Variants in PSMD14 observed in about 807,000 individuals in gnomAD.
PSMD14 encodes proteasome 26S subunit, non-ATPase 14, also known as ubiquitin C-terminal hydrolase PSMD14.
PSMD14 carries 7 observed loss-of-function variants against 41.2 expected under a neutral mutation model. The observed-to-expected ratio is 0.17, with a 90% CI of 0.10 to 0.32. The LOEUF is 0.32. Among genes scored for constraint, PSMD14 ranks in the 10% least tolerant of loss-of-function variants. The pLI, the probability that PSMD14 is intolerant of heterozygous loss-of-function variation, is 1.00. For missense variants in PSMD14, 139 were observed against 375.6 expected (o/e 0.37, Z 5.21); for synonymous variants, 114 against 122.3 (o/e 0.93, Z 0.45).
Position 161,405,570 on chromosome 2 carries a change from A to G in PSMD14, c.772-3267A>G, listed in dbSNP as rs184275266. 8.5e-4 allele frequency among the ~76,000 whole-genome samples: 129 copies of G among 152,302 alleles called. 1 individual carries two copies. The highest frequency in any genetic ancestry group is 3.0e-3 in the African/African-American group (124 of 41,566). The stretch of plus-strand genomic sequence containing the variant: ...TATTTGTAAAATCATGCCTATATTG[A>G]TGTTTAATTAGTGATGGTAGTAGAA... On this transcript the variant is annotated intron_variant, in intron 10 of 11. Transcript: ENST00000409682.
chr2:161,310,906 ATAAATTCTCT>A (rs1216325822), intron 1 of PSMD14, among the ~76,000 whole-genome samples: 1 of 152,206 alleles, frequency 6.6e-6, no homozygotes, highest in Non-Finnish European at 1.5e-5. Flanking sequence ...CCGATAGATT[ATAAATTCTCT>A]CAGTGCATGC....
At chr2:161,326,762 C>T (rs114528650) in intron 3 of PSMD14, among the ~76,000 whole-genome samples, 87 of 152,318 alleles carry the variant, frequency 5.7e-4, no homozygotes, top group African/African-American at 2.1e-3. Context: ...TCTATGGCTG[C>T]TCAAGTCCCT....
chr2:161,341,949 C>G (rs1367048807), intron 3 of PSMD14, among the ~76,000 whole-genome samples: 2 of 151,438 alleles, frequency 1.3e-5, no homozygotes, highest in African/African-American at 4.8e-5. Context: ...CCCAATGTCA[C>G]AAACATATTC....
chr2:161,382,100 CAGAA>C (rs1683577496), intron 7 of PSMD14: 1 of 151,798 alleles, frequency 6.6e-6, no homozygotes, highest in African/African-American at 2.4e-5. Flanking sequence ...TGTCTGATAA[CAGAA>C]AGTGGTGTGT....
At chr2:161,395,002 G>C in intron 9 of PSMD14, 76 bp from the exon 10 acceptor site, 2 of 977,834 alleles carry the variant, frequency 2.0e-6, no homozygotes, top group East Asian at 6.9e-5. Flanking sequence ...TTTTTTTTTT[G>C]AAGTTTTTTT....
chr2:161,371,341 T>G lies in PSMD14; in HGVS notation c.462+19T>G, dbSNP rs148797709. On this transcript the variant is annotated intron_variant, in intron 7 of 11. Coordinates refer to ENST00000409682, the MANE Select transcript of PSMD14 (RefSeq NM_005805.6). ...AGGAAAGGTAGAGTAGATTCTATCT[T>G]TATTGCCATCTACTGCCACATTCTG... The G allele has an allele frequency of 1.3e-6, 2 of 1,595,724 alleles. No individual in the cohort carries two copies. The highest frequency in any genetic ancestry group is 4.5e-5 in the East Asian group (2 of 44,378).
intron 3 of PSMD14, among the ~76,000 whole-genome samples, chr2:161,363,300 G>T (rs1683316138): frequency 6.6e-6 from 1 of 152,088 alleles, no homozygotes; most frequent in Non-Finnish European, 1.5e-5. Context: ...GGGGACTGCT[G>T]CTCTAATTTT....
intron 10 of PSMD14, among the ~76,000 whole-genome samples, chr2:161,406,777 A>G (rs1056497384): frequency 5.3e-5 from 8 of 152,128 alleles, no homozygotes; most frequent in African/African-American, 1.9e-4. Context: ...GTACTTCTCA[A>G]AGAGTTTGTG....
At chr2:161,341,930 C>G (rs1362030119) in intron 3 of PSMD14, among the ~76,000 whole-genome samples, 1 of 150,548 alleles carries the variant, frequency 6.6e-6, no homozygotes, top group Non-Finnish European at 1.5e-5. Context: ...ATTAAGAAAT[C>G]TCTCCTAACC....
At chr2:161,378,119 T>C (rs539860971) in intron 7 of PSMD14, among the ~76,000 whole-genome samples, 15 of 152,106 alleles carry the variant, frequency 9.9e-5, no homozygotes, top group East Asian at 3.9e-4. Context: ...TTCTTGTCAT[T>C]GTAATTTTCT....
chr2:161,328,332 A>G (rs938296416), intron 3 of PSMD14, among the ~76,000 whole-genome samples: 8 of 152,200 alleles, frequency 5.3e-5, no homozygotes, highest in African/African-American at 1.2e-4. Flanking sequence ...CTATATACCA[A>G]TATGCATAAT....
intron 3 of PSMD14, among the ~76,000 whole-genome samples, chr2:161,357,076 C>CTTTT (rs71281822): frequency 0.75 from 93,864 of 124,574 alleles, 36,223 homozygotes; most frequent in Middle Eastern, 0.83. Context: ...TGGCAAATGC[C>CTTTT]TTTTTTTTTT....
At chr2:161,337,762 GC>G (rs1359962101) in intron 3 of PSMD14, among the ~76,000 whole-genome samples, 1 of 152,210 alleles carries the variant, frequency 6.6e-6, no homozygotes, top group Non-Finnish European at 1.5e-5. Context: ...GAGATGATGT[GC>G]TGTAGCAGGA....
intron 10 of PSMD14, 116 bp from the exon 11 acceptor site, chr2:161,408,720 AT>A: frequency 1.4e-6 from 1 of 701,734 alleles, no homozygotes; most frequent in Non-Finnish European, 2.4e-6. Flanking sequence ...TCAGTAAATT[AT>A]TTGAATAAAA....
At chr2:161,373,252 A>G (rs1041466203) in intron 7 of PSMD14, among the ~76,000 whole-genome samples, 4 of 151,848 alleles carry the variant, frequency 2.6e-5, no homozygotes, top group Non-Finnish European at 1.5e-5. Context: ...AAATTTATGA[A>G]ATCATATGTA....
At chr2:161,409,569 A>T (rs1032832168) in intron 11 of PSMD14, 7 of 152,120 alleles carry the variant, frequency 4.6e-5, no homozygotes, top group Admixed American at 6.6e-5. Flanking sequence ...CAGCCATCCT[A>T]CCATATGCTC....
intron 10 of PSMD14, among the ~76,000 whole-genome samples, chr2:161,400,490 G>T (rs1683860905): frequency 6.6e-6 from 1 of 152,038 alleles, no homozygotes. Flanking sequence ...AAATATATTA[G>T]AATCTTTTTT....
chr2:161,338,043 T>G (rs1445698727), intron 3 of PSMD14, among the ~76,000 whole-genome samples: 2 of 152,208 alleles, frequency 1.3e-5, no homozygotes, highest in Non-Finnish European at 2.9e-5. Flanking sequence ...TAAAAAATGA[T>G]GAGAAAATCT....
chr2:161,332,934 C>T (rs192827506), intron 3 of PSMD14, among the ~76,000 whole-genome samples: 1 of 152,294 alleles, frequency 6.6e-6, no homozygotes, highest in East Asian at 1.9e-4. Flanking sequence ...AGTTTCTTTG[C>T]ACTTTCCCAT....
Sources: gnomAD v4.1 joint callset for allele counts (sites outside exome capture counted in the v4.1 genomes callset) on GRCh38, gnomAD v4.1.1 for gene constraint, MANE v1.5 for transcripts, NCBI Gene and HGNC (gene_info 2026-07-23, HGNC 2026-07-21) for gene names.